VGLL4: variants seen among roughly 807,000 people sequenced by gnomAD.
VGLL4 encodes transcription cofactor vestigial-like protein 4.
VGLL4 carries 7 observed loss-of-function variants against 21.0 expected under a neutral mutation model. That is an observed-to-expected ratio of 0.33 (90% confidence interval 0.19 to 0.63). VGLL4 has a LOEUF of 0.63. VGLL4 is among the 20% of genes least tolerant of loss of function. VGLL4 has a pLI of 0.78. For synonymous variants in VGLL4, 222 were observed against 173.2 expected (o/e 1.28, Z -2.21); for missense variants, 394 against 425.7 (o/e 0.93, Z 0.66).
chr3:11,610,695 T>G (rs929588998), intron 1 of VGLL4: 2 of 152,208 alleles, frequency 1.3e-5, no homozygotes, highest in Admixed American at 6.5e-5. Context: ...TATCTTGGAC[T>G]GCTAATAATA....
intron 1 of VGLL4, among the ~76,000 whole-genome samples, chr3:11,710,181 T>C (rs1328912014): frequency 6.6e-6 from 1 of 152,006 alleles, no homozygotes; most frequent in Non-Finnish European, 1.5e-5. Context: ...TGATCCAACC[T>C]CTCCCACCAG....
chr3:11,683,585 G>A (rs966826607), intron 2 of VGLL4, among the ~76,000 whole-genome samples: 3 of 152,134 alleles, frequency 2.0e-5, no homozygotes, highest in South Asian at 2.1e-4. Flanking sequence ...GATAACCTGA[G>A]GTCAAAAGTT....
Position 11,697,429 on chromosome 3 carries a change from C to T in VGLL4, c.64+5542G>A, listed in dbSNP as rs749697775. Among the ~76,000 whole-genome samples, 3 of 152,028 alleles carry T rather than the reference C, an allele frequency of 2.0e-5. No individual in the cohort carries two copies. The South Asian group carries it at 6.2e-4, about 32-fold the overall frequency. ...GCCTAAAATGCTTTTTTACTGTGTG[C>T]CACAGTCAACCATATTCAAAAGCCA... On this transcript the variant is annotated intron_variant, in intron 2 of 5. Coordinates refer to the VGLL4 transcript ENST00000273038.
intron 2 of VGLL4, among the ~76,000 whole-genome samples, chr3:11,691,868 T>A (rs2076530940): frequency 6.6e-6 from 1 of 150,910 alleles, no homozygotes; most frequent in Non-Finnish European, 1.5e-5. Flanking sequence ...TCAGAAGACA[T>A]CTCCAACACA....
intron 2 of VGLL4, among the ~76,000 whole-genome samples, chr3:11,666,821 G>T (rs961504339): frequency 6.6e-6 from 1 of 152,124 alleles, no homozygotes; most frequent in African/African-American, 2.4e-5. Flanking sequence ...GAAATTCACT[G>T]TAATAAGTAG....
At chr3:11,716,378 C>G (rs13067857) in intron 1 of VGLL4, among the ~76,000 whole-genome samples, 7,866 of 150,708 alleles carry the variant, frequency 0.052, 269 homozygotes, top group Non-Finnish European at 0.075. Flanking sequence ...CACTTGTTTA[C>G]AGCATGAGAG....
At chr3:11,657,693 AG>A (rs1465357175) in intron 2 of VGLL4, among the ~76,000 whole-genome samples, 1 of 152,202 alleles carries the variant, frequency 6.6e-6, no homozygotes, top group Admixed American at 6.5e-5. Context: ...AGGGTTAAGG[AG>A]ACTAACCCTT....
At chr3:11,630,142 T>C (rs1407430987) in intron 1 of VGLL4, among the ~76,000 whole-genome samples, 1 of 152,166 alleles carries the variant, frequency 6.6e-6, no homozygotes, top group African/African-American at 2.4e-5. Context: ...GCAAGAAATA[T>C]ACATACTCCA....
At chr3:11,604,662 A>C (rs1559894411) in intron 1 of VGLL4, 1 of 600,490 alleles carries the variant, frequency 1.7e-6, no homozygotes, top group Non-Finnish European at 2.1e-6. Context: ...TTTATTTAGG[A>C]TGGGGTGAAT....
intron 1 of VGLL4, among the ~76,000 whole-genome samples, chr3:11,634,132 C>T (rs1465634453): frequency 6.6e-6 from 1 of 152,102 alleles, no homozygotes; most frequent in Non-Finnish European, 1.5e-5. Context: ...GAACCATATA[C>T]CCAACTTTCT....
Position 11,565,022 on chromosome 3 carries a change from GAA to G in VGLL4, c.273-5_273-4del. The G allele has an allele frequency of 6.8e-7, 1 of 1,475,824 alleles. No homozygotes were observed. The highest frequency in any genetic ancestry group is 9.0e-7 in the Non-Finnish European group (1 of 1,114,980). 91.4% of individuals were successfully genotyped at this position (1,475,824 alleles called of 1,614,324 possible). ...AGTCTCCATTGGCAGTCTTGTTCCT[GAA>G]AAAGAGGAATGGGCATTCAGGGGGC... On this transcript the variant is annotated splice_polypyrimidine_tract_variant and splice_region_variant and intron_variant, in intron 2 of 4. Coordinates refer to ENST00000430365, the MANE Select transcript of VGLL4 (RefSeq NM_001128219.3). This position sits in a 1 kb window ranked among gnomAD's most constrained non-coding sequence, Gnocchi z 4.1.
intron 2 of VGLL4, among the ~76,000 whole-genome samples, chr3:11,578,093 G>A (rs773857580): frequency 1.3e-5 from 2 of 152,174 alleles, no homozygotes; most frequent in African/African-American, 2.4e-5. Context: ...CACCAGCGTA[G>A]ACAGTCTAAT....
chr3:11,578,748 CTTTTTTT>C (rs71044228), intron 2 of VGLL4, among the ~76,000 whole-genome samples: 3 of 104,710 alleles, frequency 2.9e-5, no homozygotes, highest in African/African-American at 7.4e-5. Flanking sequence ...TGTATATTTT[CTTTTTTT>C]TTTTTTTTTT....
At chr3:11,559,231 G>A in intron 4 of VGLL4, 101 bp downstream of exon 4, 1 of 1,436,614 alleles carries the variant, frequency 7.0e-7, no homozygotes, top group South Asian at 1.5e-5. Flanking sequence ...CTCAGCAATA[G>A]ATGGGCTCAG....
In VGLL4 at chr3:11,558,452, C is replaced by CA; in HGVS notation, c.*103_*104insT. On this transcript the variant is annotated 3_prime_UTR_variant, in exon 5 of 5. Transcript: ENST00000430365. ...TTTTTGCAAATAAACCATCCCTTCC[C>CA]TTCCCCCCACCCCACCCCCATGATT... The CA allele has an allele frequency of 3.5e-5, 48 of 1,355,770 alleles. No homozygotes were observed. Among genetic ancestry groups the CA allele is most frequent in the East Asian group, 5.4e-5 (2 of 37,042 alleles). The allele number at this position is 1,355,770 out of a possible 1,614,324, so 84.0% of individuals were successfully genotyped here.
At chr3:11,703,600 T>C (rs1356176765) in intron 1 of VGLL4, among the ~76,000 whole-genome samples, 2 of 152,370 alleles carry the variant, frequency 1.3e-5, no homozygotes, top group African/African-American at 4.8e-5. Flanking sequence ...TTATCTAGCA[T>C]CATGTTTTTT....
rs1266898647 is a variant in VGLL4, at chr3:11,558,443, ATCCCT to A, written c.*108_*112del. On this transcript the variant is annotated 3_prime_UTR_variant, in exon 5 of 5. Coordinates refer to ENST00000430365, the MANE Select transcript of VGLL4 (RefSeq NM_001128219.3). ...ACAACATGGTTTTTGCAAATAAACC[ATCCCT>A]TCCCTTCCCCCCACCCCACCCCCAT... 1.3e-5 allele frequency: 18 copies of A among 1,396,194 alleles called. No individual in the cohort carries two copies. The highest frequency in any genetic ancestry group is 2.9e-5 in the African/African-American group (2 of 68,644). The allele number at this position is 1,396,194 out of a possible 1,614,324, so 86.5% of individuals were successfully genotyped here.
At chr3:11,681,686 G>A (rs2076373244) in intron 2 of VGLL4, among the ~76,000 whole-genome samples, 1 of 152,228 alleles carries the variant, frequency 6.6e-6, no homozygotes, top group Non-Finnish European at 1.5e-5. Context: ...AATATAATTT[G>A]TAATATCTTT....
intron 2 of VGLL4, among the ~76,000 whole-genome samples, chr3:11,692,369 G>A (rs1377299936): frequency 6.6e-6 from 1 of 152,188 alleles, no homozygotes; most frequent in Non-Finnish European, 1.5e-5. Flanking sequence ...AGCCCTGGAT[G>A]CCCCCACTTA....
Sources: allele counts gnomAD v4.1 joint callset (sites outside exome capture counted in the v4.1 genomes callset), GRCh38; gene constraint gnomAD v4.1.1; non-coding constraint Gnocchi (gnomAD v3.1); transcripts MANE v1.5; gene names NCBI Gene and HGNC (gene_info 2026-07-23, HGNC 2026-07-21).